The following ZFHX4 variants were observed in gnomAD, a reference collection of about 807,000 sequenced individuals.
ZFHX4 encodes the protein zinc finger homeobox 4, also known as zinc finger homeobox protein 4.
In ZFHX4, 56 loss-of-function variants were observed where a neutral mutation model predicts 267.6. The observed-to-expected ratio is 0.21, with a 90% confidence interval of 0.17 to 0.26. The LOEUF (loss-of-function observed/expected upper bound fraction) is 0.26. Among genes scored for constraint, ZFHX4 ranks in the 10% least tolerant of loss-of-function variants. ZFHX4 has a pLI of 1.00. For missense variants in ZFHX4, 4,332 were observed against 4,420.0 expected (o/e 0.98, Z 0.56); for synonymous variants, 1,778 against 1,665.6 (o/e 1.07, Z -1.64).
In ZFHX4 at chr8:76,851,041, C is replaced by G; in HGVS notation, c.4120C>G (p.Leu1374Val). The G allele has an allele frequency of 6.2e-7, 1 of 1,613,968 alleles. No individual in the cohort carries two copies. The highest frequency in any genetic ancestry group is 8.5e-7 in the Non-Finnish European group (1 of 1,179,866). The change falls in exon 10 of 11, where the codon CTG becomes GTG. Residue 1374 changes from leucine (L) to valine (V), a missense_variant. By Grantham distance (32) the Leu-to-Val change is conservative. Transcript: ENST00000651372. ...TAAGGATGTGAAAATCCCCGACACA[C>G]TGCAAGATCAATTAAATGAACAGCA... ...SSKDVKIPDT[L>V]QDQLNEQQKR...
rs1237362100 is a variant in ZFHX4, at chr8:76,863,287, A to G, written c.9573A>G (p.Lys3191=). Residue 3191 remains lysine, a synonymous_variant, in exon 11 of 11, where the codon AAA becomes AAG. Coordinates refer to ENST00000651372, the MANE Select transcript of ZFHX4 (RefSeq NM_024721.5). ...AGCAACAGAACAAAGAATCTGAGAA[A>G]AAGCAAACTAAGCCAAACAAGGTGA... ...QTEQQNKESE[K]KQTKPNKVKK... is the part of the protein sequence containing the mutation. 2 of 1,613,034 alleles carry G rather than the reference A, an allele frequency of 1.2e-6. No homozygotes were observed. Among genetic ancestry groups the G allele is most frequent in the Non-Finnish European group, 8.5e-7 (1 of 1,179,510 alleles).
chr8:76,731,784 A>AT (rs1437077660), intron 3 of ZFHX4, among the ~76,000 whole-genome samples: 1 of 151,718 alleles, frequency 6.6e-6, no homozygotes, highest in African/African-American at 2.4e-5. Context: ...GGACTTACTA[A>AT]TTTTAGCTAG....
chr8:76,705,441 C>T lies in ZFHX4; in HGVS notation c.1353C>T (p.Ser451=), dbSNP rs772552525. The T allele has an allele frequency of 1.9e-6, 3 of 1,613,684 alleles. No homozygotes were observed. Among genetic ancestry groups the T allele is most frequent in the South Asian group, 1.1e-5 (1 of 91,030 alleles). The change falls in exon 2 of 11, where the codon AGC becomes AGT. Residue 451 remains serine, a synonymous_variant. Coordinates refer to ENST00000651372, the MANE Select transcript of ZFHX4 (RefSeq NM_024721.5). Reference sequence around the variant, plus strand: ...ACAACTGTGAAAGGCCAAAAGAAAGCAACGTTTTACACCCAAACGGGGAGT... The same window carrying T: ...ACAACTGTGAAAGGCCAAAAGAAAGTAACGTTTTACACCCAAACGGGGAGT... The part of the protein sequence containing the change: ...QENNCERPKE[S]NVLHPNGECP...
At chr8:76,782,445 C>A (rs1810576252) in intron 4 of ZFHX4, among the ~76,000 whole-genome samples, 1 of 151,922 alleles carries the variant, frequency 6.6e-6, no homozygotes, top group African/African-American at 2.4e-5. Flanking sequence ...GATAGCAATG[C>A]AGTAGAGATG....
chr8:76,715,931 G>A (rs1044597699), intron 3 of ZFHX4, among the ~76,000 whole-genome samples: 5 of 152,068 alleles, frequency 3.3e-5, no homozygotes, highest in Non-Finnish European at 7.4e-5. Context: ...GTTAGTGTTA[G>A]GACTATATTT....
Position 76,851,800 on chromosome 8 carries a change from G to C in ZFHX4, c.4879G>C (p.Glu1627Gln). The C allele has an allele frequency of 6.2e-7, 1 of 1,613,958 alleles. No homozygotes were observed. The highest frequency in any genetic ancestry group is 8.5e-7 in the Non-Finnish European group (1 of 1,179,880). Reference sequence around the variant, plus strand: ...GACAAAGGCTAGGGCTGCAAAGCTGGAGCCCAGTGGTCATGTGGCTGGTGG... The same window carrying C: ...GACAAAGGCTAGGGCTGCAAAGCTGCAGCCCAGTGGTCATGTGGCTGGTGG... ...HQTKARAAKLEPSGHVAGGHS... is the reference protein window; with the variant it reads ...HQTKARAAKLQPSGHVAGGHS... The change falls in exon 10 of 11, where the codon GAG (glutamate) becomes CAG (glutamine). Residue 1627 changes from glutamate (E) to glutamine (Q), a missense_variant. Glu to Gln is a conservative substitution (Grantham distance 29). Transcript: ENST00000651372.
intron 3 of ZFHX4, among the ~76,000 whole-genome samples, chr8:76,745,479 GTACT>G (rs1187960402): frequency 1.3e-5 from 2 of 151,998 alleles, no homozygotes; most frequent in African/African-American, 2.4e-5. Context: ...GGGTAAGTCT[GTACT>G]TACTTGTTTT....
chr8:76,789,756 T>A (rs1810785189), intron 4 of ZFHX4, among the ~76,000 whole-genome samples: 1 of 152,174 alleles, frequency 6.6e-6, no homozygotes, highest in Admixed American at 6.5e-5. Context: ...TTGAAAATAG[T>A]GTTGAATTAT....
intron 1 of ZFHX4, among the ~76,000 whole-genome samples, chr8:76,693,803 G>C (rs1054208714): frequency 6.6e-6 from 1 of 152,156 alleles, no homozygotes; most frequent in African/African-American, 2.4e-5. Context: ...TGCAGATTAG[G>C]AATCATTATG....
intron 3 of ZFHX4, among the ~76,000 whole-genome samples, chr8:76,764,458 T>C (rs190548670): frequency 6.6e-6 from 1 of 152,308 alleles, no homozygotes; most frequent in Non-Finnish European, 1.5e-5. Flanking sequence ...CAACTGTAAC[T>C]GGATGATTAA....
chr8:76,788,492 T>G (rs1206267949), intron 4 of ZFHX4, among the ~76,000 whole-genome samples: 5 of 152,212 alleles, frequency 3.3e-5, no homozygotes, highest in Admixed American at 3.3e-4. Context: ...AGATTTCAAT[T>G]TTTTAAAAAT....
chr8:76,732,926 T>G (rs1208863331), intron 3 of ZFHX4, among the ~76,000 whole-genome samples: 1 of 152,154 alleles, frequency 6.6e-6, no homozygotes, highest in South Asian at 2.1e-4. Context: ...GCTGCTTTTC[T>G]AAAGAAGCAC....
In ZFHX4 at chr8:76,854,709, G is replaced by A. The variant is rs760009194; in HGVS notation, c.7788G>A (p.Gly2596=). 3.1e-6 allele frequency: 5 copies of A among 1,613,356 alleles called. No individual in the cohort carries two copies. The highest frequency in any genetic ancestry group is 4.2e-6 in the Non-Finnish European group (5 of 1,179,668). ...ATAATTGCAGTGAAAAAGAAGGAGG[G>A]AATAGCGGTGAAGACCAACACCGAG... ...EDNNCSEKEG[G]NSGEDQHRDK... Residue 2596 remains glycine, a synonymous_variant, in exon 10 of 11, where the codon GGG becomes GGA. Coordinates refer to ENST00000651372, the MANE Select transcript of ZFHX4 (RefSeq NM_024721.5).
chr8:76,763,272 C>T (rs1300452783), intron 3 of ZFHX4, among the ~76,000 whole-genome samples: 1 of 152,104 alleles, frequency 6.6e-6, no homozygotes, highest in Non-Finnish European at 1.5e-5. Flanking sequence ...GACTCTTCAG[C>T]GATAAGGACC....
intron 3 of ZFHX4, among the ~76,000 whole-genome samples, chr8:76,761,306 C>T (rs1038419213): frequency 3.9e-5 from 6 of 152,158 alleles, no homozygotes; most frequent in Non-Finnish European, 7.4e-5. Flanking sequence ...AATTATATCA[C>T]CAATAGGTAG....
intron 3 of ZFHX4, among the ~76,000 whole-genome samples, chr8:76,726,916 G>A (rs936753835): frequency 2.0e-5 from 3 of 152,128 alleles, no homozygotes; most frequent in Non-Finnish European, 4.4e-5. Flanking sequence ...AGCATTCACA[G>A]AACAGAAAAG....
intron 3 of ZFHX4, among the ~76,000 whole-genome samples, chr8:76,764,042 G>T (rs982916726): frequency 1.3e-5 from 2 of 152,086 alleles, no homozygotes; most frequent in South Asian, 2.1e-4. Flanking sequence ...AAAATGGAGG[G>T]AATATTGGAG....
intron 3 of ZFHX4, among the ~76,000 whole-genome samples, chr8:76,756,533 T>C (rs367782693): frequency 6.6e-6 from 1 of 152,192 alleles, no homozygotes; most frequent in African/African-American, 2.4e-5. Flanking sequence ...AGATGCCTTA[T>C]AATATATTTT....
At chr8:76,689,317 G>A (rs894586197) in intron 1 of ZFHX4, among the ~76,000 whole-genome samples, 1 of 152,118 alleles carries the variant, frequency 6.6e-6, no homozygotes, top group African/African-American at 2.4e-5. Flanking sequence ...CCATGGAAGT[G>A]GATCACACAT....
Sources: gnomAD v4.1 joint callset for allele counts (sites outside exome capture counted in the v4.1 genomes callset) on GRCh38, gnomAD v4.1.1 for gene constraint, MANE v1.5 for transcripts, NCBI Gene and HGNC (gene_info 2026-07-23, HGNC 2026-07-21) for gene names.